PIK3CB: variants seen among roughly 807,000 people sequenced by gnomAD.
PIK3CB encodes phosphatidylinositol-4,5-bisphosphate 3-kinase catalytic subunit beta.
Under a neutral mutation model 136.8 loss-of-function variants are expected in PIK3CB, and 39 were observed. That is an observed-to-expected ratio of 0.29 (90% CI 0.22 to 0.37). The LOEUF (loss-of-function observed/expected upper bound fraction) is 0.37, where lower values mean the gene tolerates loss of function less well. Among genes scored for constraint, PIK3CB ranks in the 10% least tolerant of loss-of-function variants. The probability of loss-of-function intolerance (pLI) is 1.00; values close to 1 mark genes in which losing one functional copy is unlikely to be tolerated. For missense variants in PIK3CB, 868 were observed against 1,275.4 expected (o/e 0.68, Z 4.87); for synonymous variants, 428 against 436.6 (o/e 0.98, Z 0.25).
intron 21 of PIK3CB, among the ~76,000 whole-genome samples, chr3:138,659,236 T>C (rs1166078036): frequency 6.6e-6 from 1 of 152,230 alleles, no homozygotes; most frequent in African/African-American, 2.4e-5. Flanking sequence ...CCCCACTTGA[T>C]AATTATTGGT....
intron 1 of PIK3CB, among the ~76,000 whole-genome samples, chr3:138,818,117 C>A (rs1933413421): frequency 6.6e-6 from 1 of 152,086 alleles, no homozygotes; most frequent in African/African-American, 2.4e-5. Context: ...CATAGTAAGA[C>A]CCTGTCTCTA....
At chr3:138,780,838 T>C (rs2045915552) in intron 2 of PIK3CB, among the ~76,000 whole-genome samples, 1 of 152,008 alleles carries the variant, frequency 6.6e-6, no homozygotes, top group African/African-American at 2.4e-5. Flanking sequence ...CTGACTAATT[T>C]TGTGGGGTTT....
chr3:138,727,901 A>C (rs1396669132), intron 8 of PIK3CB, among the ~76,000 whole-genome samples: 1 of 151,996 alleles, frequency 6.6e-6, no homozygotes, highest in Non-Finnish European at 1.5e-5. Context: ...CTTGCTGCCC[A>C]GGCTGGAGTG....
At chr3:138,713,552 C>T (rs11920585) in intron 9 of PIK3CB, among the ~76,000 whole-genome samples, 6,681 of 151,806 alleles carry the variant, frequency 0.044, 484 homozygotes, top group African/African-American at 0.15. Flanking sequence ...GTGCCTGTAA[C>T]CCCATTTACT....
At chr3:138,686,206 A>C (rs2043889428) in intron 16 of PIK3CB, among the ~76,000 whole-genome samples, 2 of 151,914 alleles carry the variant, frequency 1.3e-5, no homozygotes, top group Non-Finnish European at 1.5e-5. Flanking sequence ...TGGGAAGCTG[A>C]AGTGGGCGGA....
chr3:138,690,497 G>A (rs1196519027), intron 15 of PIK3CB, among the ~76,000 whole-genome samples: 3 of 151,720 alleles, frequency 2.0e-5, no homozygotes, highest in Non-Finnish European at 2.9e-5. Flanking sequence ...GTGTATTTCT[G>A]GAAATTACCT....
intron 1 of PIK3CB, among the ~76,000 whole-genome samples, chr3:138,828,666 G>C (rs1453541299): frequency 6.6e-6 from 1 of 152,142 alleles, no homozygotes; most frequent in Admixed American, 6.6e-5. Context: ...ACTGAGGCAG[G>C]AGGATCACTT....
chr3:138,755,539 C>T (rs2045549208), intron 4 of PIK3CB, among the ~76,000 whole-genome samples: 1 of 151,812 alleles, frequency 6.6e-6, no homozygotes, highest in African/African-American at 2.4e-5. Context: ...AAACATAAGC[C>T]CTTGGATGCT....
At chr3:138,716,140 A>G (rs1206138572) in intron 8 of PIK3CB, among the ~76,000 whole-genome samples, 5 of 152,216 alleles carry the variant, frequency 3.3e-5, no homozygotes, top group Non-Finnish European at 7.3e-5. Flanking sequence ...TTCAAGTAAC[A>G]GGTGTTACAA....
At position 138,736,314 on chromosome 3, in the gene PIK3CB, G is replaced by T. The variant is rs142880967; in HGVS notation, c.801+1393C>A. Among the ~76,000 whole-genome samples the T allele has an allele frequency of 5.5e-4, 83 of 152,234 alleles. No individual in the cohort carries two copies. In the East Asian group the frequency reaches 0.016, roughly 29 times the overall value. ...TTATATGTACTAAACCACAAAAATT[G>T]AGGGCCACACCAGAAACCTGAGAAG... On this transcript the variant is annotated intron_variant, in intron 6 of 23. Transcript: ENST00000674063.
intron 6 of PIK3CB, among the ~76,000 whole-genome samples, chr3:138,736,823 T>C (rs924533496): frequency 6.6e-6 from 1 of 152,192 alleles, no homozygotes; most frequent in African/African-American, 2.4e-5. Flanking sequence ...ATTCTTGCCA[T>C]TCATGGAAGT....
chr3:138,713,717 A>C (rs1280716472), intron 9 of PIK3CB, among the ~76,000 whole-genome samples: 1 of 152,126 alleles, frequency 6.6e-6, no homozygotes, highest in Non-Finnish European at 1.5e-5. Context: ...ATAGATAAAT[A>C]TAGTAACTAG....
chr3:138,655,588 A>C, intron 23 of PIK3CB, 62 bp from the exon 24 acceptor site: 26 of 1,331,246 alleles, frequency 2.0e-5, no homozygotes, highest in Non-Finnish European at 2.7e-5. Context: ...CAAATATCAA[A>C]GTCTGCAGGA....
chr3:138,829,855 T>C (rs1326839603), intron 1 of PIK3CB, among the ~76,000 whole-genome samples: 2 of 152,078 alleles, frequency 1.3e-5, no homozygotes, highest in Non-Finnish European at 2.9e-5. Flanking sequence ...TGCGAACCCA[T>C]TACATTGAAA....
intron 9 of PIK3CB, among the ~76,000 whole-genome samples, chr3:138,712,774 A>G (rs1469492414): frequency 6.6e-6 from 1 of 152,034 alleles, no homozygotes; most frequent in Non-Finnish European, 1.5e-5. Context: ...GCCGTGTAGG[A>G]CAGGCTGGTC....
At chr3:138,812,685 G>T (rs192298644) in intron 1 of PIK3CB, among the ~76,000 whole-genome samples, 1 of 151,778 alleles carries the variant, frequency 6.6e-6, no homozygotes, top group East Asian at 1.9e-4. Context: ...GTGCCACCAC[G>T]CCCAGCTAAT....
chr3:138,769,004 A>G (rs1325398103), intron 2 of PIK3CB, among the ~76,000 whole-genome samples: 1 of 152,050 alleles, frequency 6.6e-6, no homozygotes, highest in Non-Finnish European at 1.5e-5. Context: ...AATGGCAAGG[A>G]GTGTGCTCCT....
At chr3:138,793,577 G>C (rs2046076809) in intron 2 of PIK3CB, among the ~76,000 whole-genome samples, 1 of 151,198 alleles carries the variant, frequency 6.6e-6, no homozygotes, top group African/African-American at 2.4e-5. Context: ...TTGCACTCCA[G>C]CCTGGGCGTT....
intron 8 of PIK3CB, among the ~76,000 whole-genome samples, chr3:138,729,308 A>G (rs963729134): frequency 2.6e-5 from 4 of 152,072 alleles, no homozygotes; most frequent in Admixed American, 2.6e-4. Flanking sequence ...GGTCTACTAT[A>G]ATGGTTAATT....
Sources: allele counts gnomAD v4.1 joint callset (sites outside exome capture counted in the v4.1 genomes callset), GRCh38; gene constraint gnomAD v4.1.1; transcripts MANE v1.5; gene names NCBI Gene and HGNC (gene_info 2026-07-23, HGNC 2026-07-21).